Variants in RFX5 observed in about 807,000 individuals in gnomAD.
RFX5 encodes the protein regulatory factor X5.
Under a neutral mutation model 41.2 loss-of-function variants are expected in RFX5, and 30 were observed. That is an observed-to-expected ratio of 0.73 (90% CI 0.54 to 0.99). RFX5 has a LOEUF of 0.99. RFX5 is among the 50% of genes least tolerant of loss of function. The pLI, the probability that RFX5 is intolerant of heterozygous loss-of-function variation, is 0.00. For missense variants in RFX5, 715 were observed against 773.6 expected, an observed-to-expected ratio of 0.92 and a Z score of 0.90; for synonymous variants, 231 against 291.8, an observed-to-expected ratio of 0.79 and a Z score of 2.12.
At chr1:151,343,627 A>T in intron 9 of RFX5, 54 bp downstream of exon 9, 1 of 1,576,800 alleles carries the variant, frequency 6.3e-7, no homozygotes, top group African/African-American at 1.3e-5. Context: ...TGGGAGGGCC[A>T]CTGAAGCTGA....
rs148831837 is a variant in RFX5 at position 151,342,359 on chromosome 1, A to G, written c.1678T>C (p.Leu560=). The G allele has an allele frequency of 6.2e-7, 1 of 1,614,174 alleles. No individual in the cohort carries two copies. Among genetic ancestry groups the G allele is most frequent in the African/African-American group, 1.3e-5 (1 of 75,036 alleles). Residue 560 remains leucine, a synonymous_variant, in exon 11 of 11, where the codon TTG becomes CTG. Coordinates refer to ENST00000452671, the MANE Select transcript of RFX5 (RefSeq NM_001025603.2). The part of the protein sequence containing the change: ...HTKEAEDKIP[L]VPSKVSVIKG... The stretch of plus-strand genomic sequence containing the variant: ...ATGACACTCACTTTTGAGGGGACCA[A>G]GGGAATTTTATCTTCTGCTTCTTTG...
rs775888041 is a variant in RFX5 at position 151,342,245 on chromosome 1, G to T, written c.1792C>A (p.His598Asn). Residue 598 changes from histidine to asparagine, a missense_variant, in exon 11 of 11, where the codon CAT becomes AAT. Physicochemically the swap from His to Asn is moderately conservative, Grantham distance 68 (BLOSUM62 1). Transcript: ENST00000452671. ...APQGNKDLKE[H>N]VLQSSLSQEH... ...TGGGATAAGGAACTTTGAAGCACAT[G>T]CTCCTTTAAGTCTTTATTACCCTGT... 1 of 1,614,076 alleles carries T rather than the reference G, an allele frequency of 6.2e-7. No homozygotes were observed. The highest frequency in any genetic ancestry group is 8.5e-7 in the Non-Finnish European group (1 of 1,180,050).
At position 151,343,771 on chromosome 1, in the gene RFX5, T is replaced by C; in HGVS notation, c.667A>G (p.Ile223Val). The change falls in exon 9 of 11, where the codon ATC becomes GTC. Residue 223 changes from isoleucine to valine, a missense_variant. Coordinates refer to ENST00000452671, the MANE Select transcript of RFX5 (RefSeq NM_001025603.2). ...AGCAGGAAGCGGGCGACCTCAACGA[T>C]GGAACTGAAGGACCGTTTCAGGATC... ...ERILKRSFSSIVEVARFLLQQ... is the reference protein window; with the variant it reads ...ERILKRSFSSVVEVARFLLQQ... 1.2e-6 allele frequency: 2 copies of C among 1,614,096 alleles called. No homozygotes were observed. Among genetic ancestry groups the C allele is most frequent in the Non-Finnish European group, 1.7e-6 (2 of 1,180,030 alleles).
At chr1:151,345,252 C>T in intron 4 of RFX5, 64 bp from the exon 5 acceptor site, 2 of 1,230,388 alleles carry the variant, frequency 1.6e-6, no homozygotes, top group Non-Finnish European at 2.4e-6. Flanking sequence ...ATATAGGACC[C>T]TCTGATCCCC....
chr1:151,345,340 T>G, intron 4 of RFX5, 152 bp from the exon 5 acceptor site: 1 of 643,966 alleles, frequency 1.6e-6, no homozygotes, highest in Non-Finnish European at 2.8e-6. Flanking sequence ...CCGGGCACGG[T>G]GGCTCACGCC....
Position 151,342,370 on chromosome 1 carries a change from T to C in RFX5, c.1667A>G (p.Asp556Gly). Residue 556 changes from aspartate (D) to glycine (G), a missense_variant, in exon 11 of 11, where the codon GAT (aspartate) becomes GGT (glycine). Transcript: ENST00000452671. ...PGSQHTKEAE[D>G]KIPLVPSKVS... ...TTTTGAGGGGACCAAGGGAATTTTA[T>C]CTTCTGCTTCTTTGGTATGCTGGGA... 6.2e-7 allele frequency: 1 copy of C among 1,614,196 alleles called. No individual in the cohort carries two copies. The highest frequency in any genetic ancestry group is 8.5e-7 in the Non-Finnish European group (1 of 1,180,042).
Position 151,346,261 on chromosome 1 carries a change from A to T in RFX5, c.60T>A (p.Gly20=), listed in dbSNP as rs2102071450. Residue 20 remains glycine, a synonymous_variant, in exon 3 of 11, where the codon GGT becomes GGA. Transcript: ENST00000452671. The stretch of plus-strand genomic sequence containing the variant: ...TGGTAGGTTCCCCAGCCTCAGCACC[A>T]CCTGGGGGGGCCCTTCCCCCAGTCT... ...SPKTGGRAPP[G]GAEAGEPTTL... 2 of 1,614,184 alleles carry T rather than the reference A, an allele frequency of 1.2e-6. No homozygotes were observed. Among genetic ancestry groups the T allele is most frequent in the Non-Finnish European group, 1.7e-6 (2 of 1,180,024 alleles).
At chr1:151,346,465 G>A (rs1327368995) in intron 2 of RFX5, 24 bp downstream of exon 2, 3 of 688,194 alleles carry the variant, frequency 4.4e-6, no homozygotes, top group South Asian at 1.8e-5. Context: ...GAATTTCCCC[G>A]GTGGTCTTTT....
Position 151,341,714 on chromosome 1 carries a change from G to A in RFX5, c.*472C>T. ...TGGCCCAGACTTAAATGGTCCTACAGAAGATGCAACAGTGAGAAAAAAGTC... is the reference window on the plus strand; with the variant it reads ...TGGCCCAGACTTAAATGGTCCTACAAAAGATGCAACAGTGAGAAAAAAGTC... On this transcript the variant is annotated 3_prime_UTR_variant, in exon 11 of 11. Coordinates refer to ENST00000452671, the MANE Select transcript of RFX5 (RefSeq NM_001025603.2). 3.5e-6 allele frequency: 1 copy of A among 287,866 alleles called. No homozygotes were observed. The highest frequency in any genetic ancestry group is 3.2e-5 in the South Asian group (1 of 30,828). 17.8% of individuals were successfully genotyped at this position (287,866 alleles called of 1,614,324 possible). A position where few individuals can be genotyped will look rare whatever the true frequency, so the allele number is the denominator to read the frequency against.
chr1:151,343,215 G>T (rs761828574), intron 10 of RFX5, 37 bp from the exon 11 acceptor site: 3 of 1,610,824 alleles, frequency 1.9e-6, no homozygotes, highest in East Asian at 4.5e-5. Flanking sequence ...AAGGTGTGAA[G>T]AATGAGTATT....
chr1:151,346,817 A>G (rs1397906071), intron 1 of RFX5: 1 of 158,532 alleles, frequency 6.3e-6, no homozygotes, highest in Non-Finnish European at 1.4e-5. Context: ...AGGCTTGGAA[A>G]AAAAACTGGG....
rs1378555427 is a variant in RFX5 at position 151,342,322 on chromosome 1, C to T, written c.1715G>A (p.Arg572Lys). Reference protein sequence around the residue: ...PSKVSVIKGSRSQKEAFPLAK... With the variant: ...PSKVSVIKGSKSQKEAFPLAK... The stretch of plus-strand genomic sequence containing the variant: ...CAAAGGAAAAGCCTCCTTTTGGCTT[C>T]TGCTGCCCTTGATGACACTCACTTT... Residue 572 changes from arginine to lysine, a missense_variant, in exon 11 of 11, where the codon AGA becomes AAA. Coordinates refer to ENST00000452671, the MANE Select transcript of RFX5 (RefSeq NM_001025603.2). The T allele has an allele frequency of 1.1e-5, 18 of 1,614,072 alleles. No homozygotes were observed. Among genetic ancestry groups the T allele is most frequent in the Non-Finnish European group, 1.5e-5 (18 of 1,180,054 alleles).
Position 151,342,257 on chromosome 1 carries a change from C to T in RFX5, c.1780G>A (p.Asp594Asn). Reference sequence around the variant, plus strand: ...CTTTGAAGCACATGCTCCTTTAAGTCTTTATTACCCTGTGGTGCAGTGTCT... The same window carrying T: ...CTTTGAAGCACATGCTCCTTTAAGTTTTTATTACCCTGTGGTGCAGTGTCT... ...EVDTAPQGNK[D>N]LKEHVLQSSL... The change falls in exon 11 of 11, where the codon GAC becomes AAC. Residue 594 changes from aspartate (D) to asparagine (N), a missense_variant. Physicochemically the swap from Asp to Asn is conservative, Grantham distance 23 (BLOSUM62 1). Coordinates refer to ENST00000452671, the MANE Select transcript of RFX5 (RefSeq NM_001025603.2). The T allele has an allele frequency of 5.6e-6, 9 of 1,614,150 alleles. No homozygotes were observed. Among genetic ancestry groups the T allele is most frequent in the Non-Finnish European group, 6.8e-6 (8 of 1,180,042 alleles).
At position 151,342,644 on chromosome 1, in the gene RFX5, T is replaced by G. The variant is rs375408133; in HGVS notation, c.1393A>C (p.Lys465Gln). The change falls in exon 11 of 11, where the codon AAA (lysine) becomes CAA (glutamine). Residue 465 changes from lysine (K) to glutamine (Q), a missense_variant. Coordinates refer to ENST00000452671, the MANE Select transcript of RFX5 (RefSeq NM_001025603.2). ...GACTTTTTTCGAGGGCGCCCCCGTT[T>G]CCTTTTGGCATCACTTGCTGTATCC... The part of the protein sequence containing the change: ...IEDTASDAKR[K>Q]RGRPRKKSGG... 4 of 1,614,094 alleles carry G rather than the reference T, an allele frequency of 2.5e-6. No individual in the cohort carries two copies. The African/African-American group carries it at 5.3e-5, about 22-fold the overall frequency.
chr1:151,344,322 C>T (rs971805968), intron 7 of RFX5, 44 bp from the exon 8 acceptor site: 1 of 1,613,862 alleles, frequency 6.2e-7, no homozygotes, highest in Non-Finnish European at 8.5e-7. Flanking sequence ...GATCTCCAAG[C>T]CCCTCGAGCA....
chr1:151,345,531 G>A lies in RFX5; in HGVS notation c.151-343C>T, dbSNP rs181926601. The A allele has an allele frequency of 5.6e-5, 20 of 354,420 alleles. No homozygotes were observed. In the East Asian group the frequency reaches 1.4e-3, roughly 25 times the overall value. The allele number at this position is 354,420 out of a possible 1,614,324, so 22.0% of individuals were successfully genotyped here. A position where few individuals can be genotyped will look rare whatever the true frequency, so the allele number is the denominator to read the frequency against. On this transcript the variant is annotated intron_variant, in intron 4 of 10. Transcript: ENST00000452671. ...GGAGGCTGAGGCAGGAGAATGGCGT[G>A]AACCTGGGAGGCGGAGCTTGCAGTG... is the stretch of plus-strand genomic sequence containing the variant.
chr1:151,344,228 A>C lies in RFX5; in HGVS notation c.524T>G (p.Leu175Arg). 1 of 1,614,234 alleles carries C rather than the reference A, an allele frequency of 6.2e-7. No homozygotes were observed. The highest frequency in any genetic ancestry group is 8.5e-7 in the Non-Finnish European group (1 of 1,180,026). Residue 175 changes from leucine to arginine, a missense_variant, in exon 8 of 11, where the codon CTG becomes CGG. Coordinates refer to ENST00000452671, the MANE Select transcript of RFX5 (RefSeq NM_001025603.2). Reference protein sequence around the residue: ...RRKTLVSMPPLPGLDLKGSES... With the variant: ...RRKTLVSMPPRPGLDLKGSES... ...AGAACCCTTTAGGTCAAGTCCAGGC[A>C]GGGGTGGCATAGACACCAAGGTCTT... is the stretch of plus-strand genomic sequence containing the variant.
chr1:151,343,287 GA>G, intron 10 of RFX5, 54 bp downstream of exon 10: 2 of 1,606,804 alleles, frequency 1.2e-6, no homozygotes, highest in Non-Finnish European at 1.7e-6. Context: ...ATTGGAGAAG[GA>G]TATACTAAGC....
Position 151,344,741 on chromosome 1 carries a change from A to C in RFX5, c.340T>G (p.Tyr114Asp). ...CCCTCCACCCACCGATAGGCATCAT[A>C]AACACTTTGCTTTGGCAGACAGGTG... ...TDTCLPKQSV[Y>D]DAYRKYCESL... Residue 114 changes from tyrosine to aspartate, a missense_variant, in exon 6 of 11, where the codon TAT becomes GAT. Coordinates refer to ENST00000452671, the MANE Select transcript of RFX5 (RefSeq NM_001025603.2). The C allele has an allele frequency of 1.2e-6, 2 of 1,606,732 alleles. No homozygotes were observed. Among genetic ancestry groups the C allele is most frequent in the Non-Finnish European group, 1.7e-6 (2 of 1,176,536 alleles).
Sources: gnomAD v4.1 joint callset for allele counts on GRCh38, gnomAD v4.1.1 for gene constraint, MANE v1.5 for transcripts, NCBI Gene and HGNC (gene_info 2026-07-23, HGNC 2026-07-21) for gene names.